The following VSIG10L variants were observed in gnomAD, a reference collection of about 807,000 sequenced individuals.
VSIG10L encodes the protein V-set and immunoglobulin domain-containing protein 10-like.
In VSIG10L, 63 loss-of-function variants were observed where a neutral mutation model predicts 67.3. That is an observed-to-expected ratio of 0.94 (90% CI 0.76 to 1.15). The LOEUF (loss-of-function observed/expected upper bound fraction) is 1.15. VSIG10L is among the 50% of genes most tolerant of loss of function. The probability of loss-of-function intolerance (pLI) is 0.00; values close to 1 mark genes in which losing one functional copy is unlikely to be tolerated. For missense variants in VSIG10L, 1,050 were observed against 1,177.5 expected (o/e 0.89, Z 1.58); for synonymous variants, 499 against 524.9 (o/e 0.95, Z 0.67).
At position 51,340,313 on chromosome 19, in the gene VSIG10L, G is replaced by T; in HGVS notation, c.1190-14C>A. On this transcript the variant is annotated splice_polypyrimidine_tract_variant and intron_variant, in intron 3 of 9. Transcript: ENST00000335624. This position sits in a 1 kb window ranked among gnomAD's most constrained non-coding sequence, Gnocchi z 6.3. ...GGTCCGGGCCGTCTGGAGGGAGGAG[G>T]GGTCGGGACCGCGAGTGTCAGGGTC... 1.3e-6 allele frequency: 2 copies of T among 1,499,334 alleles called. No homozygotes were observed. Among genetic ancestry groups the T allele is most frequent in the South Asian group, 2.5e-5 (2 of 81,054 alleles). 92.9% of individuals were successfully genotyped at this position (1,499,334 alleles called of 1,614,324 possible). A position where few individuals can be genotyped will look rare whatever the true frequency, so the allele number is the denominator to read the frequency against.
intron 6 of VSIG10L, 59 bp from the exon 7 acceptor site, chr19:51,337,593 TG>T (rs1225655512): frequency 1.1e-5 from 2 of 184,752 alleles, no homozygotes; most frequent in Non-Finnish European, 1.6e-5. Flanking sequence ...GGAAGGGGGC[TG>T]GGGGGCTGGG....
In VSIG10L at chr19:51,332,416, T is replaced by C. The variant is rs1249974261; in HGVS notation, c.*195A>G. 1.6e-5 allele frequency: 11 copies of C among 703,170 alleles called. No homozygotes were observed. Among genetic ancestry groups the C allele is most frequent in the Non-Finnish European group, 2.3e-5 (9 of 393,562 alleles). 43.6% of individuals were successfully genotyped at this position (703,170 alleles called of 1,614,324 possible). On this transcript the variant is annotated 3_prime_UTR_variant, in exon 10 of 10. Transcript: ENST00000335624. ...AGTCACATCTCCTTACTTGCACAAA[T>C]ACAGGAAGACTCTTCTTCTGCAGCA...
chr19:51,339,238 C>T, intron 4 of VSIG10L, 96 bp from the exon 5 acceptor site: 1 of 1,220,578 alleles, frequency 8.2e-7, no homozygotes, highest in African/African-American at 1.6e-5. Flanking sequence ...TCTTCACTAG[C>T]CCCACCCCAT....
chr19:51,336,495 G>A (rs191523624), intron 7 of VSIG10L, among the ~76,000 whole-genome samples: 17 of 151,902 alleles, frequency 1.1e-4, no homozygotes, highest in Admixed American at 8.5e-4. Flanking sequence ...TAGAAGTTGC[G>A]GTGAGCCGAG....
chr19:51,333,725 C>T (rs1341327629), intron 9 of VSIG10L, 66 bp downstream of exon 9: 1 of 1,459,432 alleles, frequency 6.9e-7, no homozygotes, highest in African/African-American at 1.4e-5. Flanking sequence ...ACCCTCTCAT[C>T]TCCCTGACTG....
In VSIG10L at chr19:51,340,662, G is replaced by A; in HGVS notation, c.960C>T (p.Leu320=). Reference sequence around the variant, plus strand: ...GCCCCCACCCCAGGCAGCGCAGCCGGAGCTCGGCCGCCCCCTCCTCTGTCT... The same window carrying A: ...GCCCCCACCCCAGGCAGCGCAGCCGAAGCTCGGCCGCCCCCTCCTCTGTCT... The part of the protein sequence containing the change: ...APETEEGAAE[L]RLRCLGWGPG... The change falls in exon 3 of 10, where the codon CTC becomes CTT. Residue 320 remains leucine, a synonymous_variant. Transcript: ENST00000335624. This position sits in a 1 kb window ranked among gnomAD's most constrained non-coding sequence, Gnocchi z 6.3. The A allele has an allele frequency of 6.5e-7, 1 of 1,530,492 alleles. No homozygotes were observed. The highest frequency in any genetic ancestry group is 8.7e-7 in the Non-Finnish European group (1 of 1,143,866). 94.8% of individuals were successfully genotyped at this position (1,530,492 alleles called of 1,614,324 possible). A position where few individuals can be genotyped will look rare whatever the true frequency, so the allele number is the denominator to read the frequency against.
chr19:51,339,263 C>T (rs1985564399), intron 4 of VSIG10L, 121 bp from the exon 5 acceptor site: 1 of 1,062,634 alleles, frequency 9.4e-7, no homozygotes, highest in Non-Finnish European at 1.2e-6. Flanking sequence ...GCTCACACTC[C>T]CCACTTTTCC....
chr19:51,336,110 T>A (rs1985472162), intron 7 of VSIG10L, among the ~76,000 whole-genome samples: 1 of 152,186 alleles, frequency 6.6e-6, no homozygotes, highest in African/African-American at 2.4e-5. Context: ...TCAACTGAAT[T>A]GTGCCTACCC....
Position 51,337,252 on chromosome 19 carries a change from C to T in VSIG10L, c.2291G>A (p.Arg764Gln), listed in dbSNP as rs371718939. 319 of 1,548,350 alleles carry T rather than the reference C, an allele frequency of 2.1e-4. 1 individual carries two copies. In the African/African-American group the frequency reaches 3.4e-3, roughly 17 times the overall value. Residue 764 changes from arginine (R) to glutamine (Q), a missense_variant, in exon 7 of 10, where the codon CGG (arginine) becomes CAG (glutamine). Arg to Gln is a conservative substitution (Grantham distance 43). This residue lies in a region of VSIG10L where 529 missense variants were observed against 584.9 expected (regional missense o/e 0.90). Transcript: ENST00000335624. ...GGQPGTPSQS[R>Q]VYRAGPTLSH... ...CCCCAACTCACCGGCCCGGTAGACCCGGCTTTGTGATGGAGTCCCTGGCTG... is the reference window on the plus strand; with the variant it reads ...CCCCAACTCACCGGCCCGGTAGACCTGGCTTTGTGATGGAGTCCCTGGCTG...
intron 2 of VSIG10L, 125 bp downstream of exon 2, chr19:51,341,028 T>G: frequency 7.4e-7 from 1 of 1,344,626 alleles, no homozygotes. Flanking sequence ...GCTCTTTTTC[T>G]CCCTTCCTCA....
chr19:51,333,995 C>A (rs1435861627), intron 8 of VSIG10L, 50 bp from the exon 9 acceptor site: 6 of 1,547,276 alleles, frequency 3.9e-6, no homozygotes, highest in Non-Finnish European at 5.2e-6. Context: ...GCTGCCCCAA[C>A]ATGCCAACCC....
Position 51,341,872 on chromosome 19 carries a change from C to G in VSIG10L, c.176G>C (p.Ser59Thr). 6.4e-7 allele frequency: 1 copy of G among 1,551,662 alleles called. No homozygotes were observed. The change falls in exon 2 of 10, where the codon AGC (serine) becomes ACC (threonine). Residue 59 changes from serine (S) to threonine (T), a missense_variant. Around this residue, in one of 3 missense-constraint regions of VSIG10L, gnomAD observed 511 missense variants for 557.9 expected, o/e 0.92. Transcript: ENST00000335624. ...GVEVPSIKPP[S>T]WKVPDQFLDS... ...CAGGAACTGATCTGGAACTTTCCAG[C>G]TGGGAGGTTTGATGGAGGGAACTTC...
Position 51,341,332 on chromosome 19 carries a change from C to T in VSIG10L, c.716G>A (p.Gly239Glu), listed in dbSNP as rs1261939707. The T allele has an allele frequency of 3.9e-6, 6 of 1,542,056 alleles. No individual in the cohort carries two copies. The highest frequency in any genetic ancestry group is 2.4e-5 in the East Asian group (1 of 40,908). The change falls in exon 2 of 10, where the codon GGG (glycine) becomes GAG (glutamate). Residue 239 changes from glycine to glutamate, a missense_variant. Gly to Glu is a moderately conservative substitution (Grantham distance 98, BLOSUM62 -2). Coordinates refer to ENST00000335624, the MANE Select transcript of VSIG10L (RefSeq NM_001163922.3). ...CAGGCTGATCAGAGGTGCCCCTGGCCCCAGGCCCCCAGCTGCCAGCACCTT... is the reference window on the plus strand; with the variant it reads ...CAGGCTGATCAGAGGTGCCCCTGGCTCCAGGCCCCCAGCTGCCAGCACCTT... ...GSKVLAAGGLGPGAPLISLDP... is the reference protein window; with the variant it reads ...GSKVLAAGGLEPGAPLISLDP...
intron 9 of VSIG10L, 94 bp downstream of exon 9, chr19:51,333,697 T>C: frequency 7.3e-7 from 1 of 1,364,124 alleles, no homozygotes; most frequent in Non-Finnish European, 9.7e-7. Context: ...CAAGTAAAAC[T>C]GGAGTTAGAT....
At chr19:51,334,405 C>G (rs534701008) in intron 7 of VSIG10L, 101 bp from the exon 8 acceptor site, 3 of 910,230 alleles carry the variant, frequency 3.3e-6, no homozygotes, top group Non-Finnish European at 5.0e-6. Flanking sequence ...AGGAGTCCGG[C>G]CCCCACTGTC....
intron 8 of VSIG10L, 121 bp downstream of exon 8, chr19:51,334,070 A>G: frequency 6.8e-7 from 1 of 1,476,702 alleles, no homozygotes; most frequent in South Asian, 1.2e-5. Flanking sequence ...ATTTGGAGGT[A>G]GGAGGGCAGG....
chr19:51,340,707 C>T lies in VSIG10L; in HGVS notation c.915G>A (p.Ser305=). ...CTGTCTCTGGAGCCTTGGGCTGAAC[C>T]GACAGCTGGGGTAGGGGCTCTGGGA... The part of the protein sequence containing the change: ...VGVYEPLPQL[S]VQPKAPETEE... The change falls in exon 3 of 10, where the codon TCG becomes TCA. Residue 305 remains serine (S), a synonymous_variant. Coordinates refer to ENST00000335624, the MANE Select transcript of VSIG10L (RefSeq NM_001163922.3). This position sits in a 1 kb window ranked among gnomAD's most constrained non-coding sequence, Gnocchi z 6.3. 2 of 1,508,108 alleles carry T rather than the reference C, an allele frequency of 1.3e-6. No homozygotes were observed. Among genetic ancestry groups the T allele is most frequent in the South Asian group, 2.5e-5 (2 of 81,198 alleles). 93.4% of individuals were successfully genotyped at this position (1,508,108 alleles called of 1,614,324 possible).
At chr19:51,336,733 CAGAG>C (rs1985488227) in intron 7 of VSIG10L, among the ~76,000 whole-genome samples, 1 of 149,106 alleles carries the variant, frequency 6.7e-6, no homozygotes, top group Non-Finnish European at 1.5e-5. Context: ...CACAGGGTCT[CAGAG>C]GGAGTAGGAC....
chr19:51,335,267 A>G lies in VSIG10L; in HGVS notation c.2306-963T>C, dbSNP rs1476037360. 2.6e-5 allele frequency among the ~76,000 whole-genome samples: 4 copies of G among 152,200 alleles called. No individual in the cohort carries two copies. In the East Asian group the frequency reaches 5.8e-4, roughly 22 times the overall value. ...TCCTAAAGGGGTCCTGCAGAAATTA[A>G]TGGACGGCTTTTATGTAGAGCAGCC... On this transcript the variant is annotated intron_variant, in intron 7 of 9. Transcript: ENST00000335624.
Sources: allele counts gnomAD v4.1 joint callset (sites outside exome capture counted in the v4.1 genomes callset), GRCh38; gene constraint gnomAD v4.1.1; regional missense constraint gnomAD v4.1.1; non-coding constraint Gnocchi (gnomAD v3.1); transcripts MANE v1.5; gene names NCBI Gene and HGNC (gene_info 2026-07-23, HGNC 2026-07-21).